RGS7: variants seen among roughly 807,000 people sequenced by gnomAD.
The protein encoded by RGS7 is regulator of G-protein signaling 7.
Under a neutral mutation model 81.1 loss-of-function variants are expected in RGS7, and 27 were observed. The ratio of observed to expected loss-of-function variants is 0.33; its 90% confidence interval spans 0.25 to 0.46. The LOEUF (loss-of-function observed/expected upper bound fraction) is 0.46, where lower values mean the gene tolerates loss of function less well. RGS7 is among the 20% of genes least tolerant of loss of function. The probability of loss-of-function intolerance (pLI) is 1.00; values close to 1 mark genes in which losing one functional copy is unlikely to be tolerated. For missense variants in RGS7, 396 were observed against 607.4 expected (o/e 0.65, Z 3.66); for synonymous variants, 208 against 207.7 (o/e 1.00, Z -0.01).
At chr1:241,235,094 G>A (rs1461274999) in intron 2 of RGS7, among the ~76,000 whole-genome samples, 1 of 152,152 alleles carries the variant, frequency 6.6e-6, no homozygotes, top group Non-Finnish European at 1.5e-5. Context: ...ATGATTCCAT[G>A]GATAGTCAAG....
At chr1:241,279,941 G>A (rs145697673) in intron 2 of RGS7, among the ~76,000 whole-genome samples, 147 of 152,258 alleles carry the variant, frequency 9.7e-4, no homozygotes, top group African/African-American at 3.3e-3. Context: ...AGGTACCACA[G>A]TGTATTTAAC....
At chr1:240,934,101 C>G (rs566872195) in intron 5 of RGS7, among the ~76,000 whole-genome samples, 1 of 152,194 alleles carries the variant, frequency 6.6e-6, no homozygotes, top group Admixed American at 6.5e-5. Flanking sequence ...GTAGCTGGGA[C>G]TACAGGCACG....
At chr1:240,946,851 G>A (rs427116) in intron 4 of RGS7, among the ~76,000 whole-genome samples, 1 of 152,114 alleles carries the variant, frequency 6.6e-6, no homozygotes, top group African/African-American at 2.4e-5. Flanking sequence ...GTATATTTCA[G>A]GATAGCTAGA....
Position 241,214,013 on chromosome 1 carries a change from C to G in RGS7, c.79-115251G>C, listed in dbSNP as rs922145769. Reference sequence around the variant, plus strand: ...ACTCCTGGACTCAAGTAATCCTCCCCCCGGGCCTCCCAAAGTGCTGGAATT... The same window carrying G: ...ACTCCTGGACTCAAGTAATCCTCCCGCCGGGCCTCCCAAAGTGCTGGAATT... On this transcript the variant is annotated intron_variant, in intron 2 of 18. Transcript: ENST00000440928. Among the ~76,000 whole-genome samples, 5 of 152,140 alleles carry G rather than the reference C, an allele frequency of 3.3e-5. No individual in the cohort carries two copies. The South Asian group carries it at 8.3e-4, about 25-fold the overall frequency.
intron 4 of RGS7, among the ~76,000 whole-genome samples, chr1:240,961,591 G>A (rs1681447696): frequency 6.6e-6 from 1 of 152,156 alleles, no homozygotes; most frequent in African/African-American, 2.4e-5. Flanking sequence ...GCTACCTATT[G>A]TCATACTCTA....
intron 2 of RGS7, among the ~76,000 whole-genome samples, chr1:241,212,076 C>T (rs2074274123): frequency 1.3e-5 from 2 of 151,034 alleles, no homozygotes; most frequent in African/African-American, 2.4e-5. Context: ...ATTTATTATA[C>T]ATGTAATAAT....
intron 2 of RGS7, among the ~76,000 whole-genome samples, chr1:241,158,943 GTCTA>G (rs77694510): frequency 0.1 from 15,858 of 152,056 alleles, 1,087 homozygotes; most frequent in Middle Eastern, 0.17. Context: ...CCATGAAACC[GTCTA>G]TCTGTCTCTC....
At chr1:241,330,007 T>G (rs1435090539) in intron 2 of RGS7, among the ~76,000 whole-genome samples, 4 of 152,174 alleles carry the variant, frequency 2.6e-5, no homozygotes, top group Non-Finnish European at 5.9e-5. Flanking sequence ...TGGCGCAATC[T>G]TGGCTCACTG....
intron 18 of RGS7, among the ~76,000 whole-genome samples, chr1:240,786,168 A>G (rs1401121193): frequency 1.3e-5 from 2 of 152,230 alleles, no homozygotes; most frequent in Non-Finnish European, 2.9e-5. Flanking sequence ...TGTGTTCACT[A>G]AAGAAAATGA....
intron 2 of RGS7, among the ~76,000 whole-genome samples, chr1:241,338,545 C>A (rs1433378948): frequency 6.6e-6 from 1 of 152,110 alleles, no homozygotes; most frequent in Non-Finnish European, 1.5e-5. Context: ...CCCTAGCATA[C>A]TGAGCTGGCA....
At chr1:241,308,612 T>G (rs536530639) in intron 2 of RGS7, among the ~76,000 whole-genome samples, 2 of 152,316 alleles carry the variant, frequency 1.3e-5, no homozygotes, top group African/African-American at 4.8e-5. Context: ...CTTCGCAGTT[T>G]CTGTCATGGC....
At position 241,237,761 on chromosome 1, in the gene RGS7, G is replaced by A. The variant is rs115890328; in HGVS notation, c.78+117938C>T. Among the ~76,000 whole-genome samples, 587 of 152,188 alleles carry A rather than the reference G, an allele frequency of 3.9e-3. 3 individuals carry two copies. Among genetic ancestry groups the A allele is most frequent in the African/African-American group, 0.012 (485 of 41,538 alleles). ...CAGTGCACTTCTGAATATTGCCTTCGAGGAAAGGTTAGGACAGGATAAAGC... is the reference window on the plus strand; with the variant it reads ...CAGTGCACTTCTGAATATTGCCTTCAAGGAAAGGTTAGGACAGGATAAAGC... On this transcript the variant is annotated intron_variant, in intron 2 of 18. Coordinates refer to ENST00000440928, the MANE Select transcript of RGS7 (RefSeq NM_001364886.1).
chr1:241,249,550 G>C (rs1454130117), intron 2 of RGS7, among the ~76,000 whole-genome samples: 1 of 152,044 alleles, frequency 6.6e-6, no homozygotes, highest in Non-Finnish European at 1.5e-5. Context: ...GGCAATTCCA[G>C]ACCTTTTTCA....
chr1:241,324,018 G>A (rs935817328), intron 2 of RGS7, among the ~76,000 whole-genome samples: 1 of 152,106 alleles, frequency 6.6e-6, no homozygotes, highest in African/African-American at 2.4e-5. Context: ...TGTTTAAAAT[G>A]GATATAATAG....
intron 18 of RGS7, 140 bp from the exon 19 acceptor site, chr1:240,776,353 A>G (rs1378275630): frequency 1.4e-6 from 1 of 704,054 alleles, no homozygotes; most frequent in Non-Finnish European, 2.6e-6. Context: ...TCTTAGTTCA[A>G]ACCTCATGAC....
intron 6 of RGS7, among the ~76,000 whole-genome samples, chr1:240,904,816 A>T (rs1285797268): frequency 6.6e-6 from 1 of 152,218 alleles, no homozygotes; most frequent in Non-Finnish European, 1.5e-5. Context: ...ACATATTTTT[A>T]AAATGTTGAA....
At chr1:240,782,653 C>T (rs964609944) in intron 18 of RGS7, among the ~76,000 whole-genome samples, 3 of 152,072 alleles carry the variant, frequency 2.0e-5, no homozygotes, top group African/African-American at 7.2e-5. Flanking sequence ...AACTCCTGGG[C>T]TCAAGCGATC....
chr1:240,956,784 G>A (rs187249334), intron 4 of RGS7, among the ~76,000 whole-genome samples: 6 of 151,970 alleles, frequency 3.9e-5, no homozygotes, highest in African/African-American at 9.7e-5. Context: ...GTTTTCTGAC[G>A]TGATGACAAC....
chr1:241,116,365 C>G (rs12074784), intron 2 of RGS7, among the ~76,000 whole-genome samples: 2,208 of 152,194 alleles, frequency 0.015, 51 homozygotes, highest in African/African-American at 0.051. Flanking sequence ...CCAACTCTCT[C>G]TATGAAAAGT....
Sources: gnomAD v4.1 joint callset for allele counts (sites outside exome capture counted in the v4.1 genomes callset) on GRCh38, gnomAD v4.1.1 for gene constraint, MANE v1.5 for transcripts, NCBI Gene and HGNC (gene_info 2026-07-23, HGNC 2026-07-21) for gene names.